Variants in CDK6 observed in about 807,000 individuals in gnomAD.
The protein encoded by CDK6 is cyclin dependent kinase 6.
CDK6 carries 6 observed loss-of-function variants against 37.1 expected under a neutral mutation model. The observed-to-expected ratio is 0.16, with a 90% CI of 0.09 to 0.32. CDK6 has a LOEUF of 0.32. Among genes scored for constraint, CDK6 ranks in the 10% least tolerant of loss-of-function variants. The pLI is 1.00. For synonymous variants in CDK6, 160 were observed against 161.3 expected (o/e 0.99, Z 0.06); for missense variants, 224 against 418.9 (o/e 0.53, Z 4.06).
chr7:92,707,521 C>A (rs999019351), intron 4 of CDK6, among the ~76,000 whole-genome samples: 1 of 152,128 alleles, frequency 6.6e-6, no homozygotes. Flanking sequence ...ACACTTGAAT[C>A]AATTCAAGAC....
intron 2 of CDK6, among the ~76,000 whole-genome samples, chr7:92,828,817 T>G (rs1035244658): frequency 1.3e-5 from 2 of 152,148 alleles, no homozygotes; most frequent in African/African-American, 4.8e-5. Context: ...ATCAAGTTCT[T>G]CTGTAGGAAC....
At chr7:92,641,292 ATT>A (rs1796299280) in intron 5 of CDK6, among the ~76,000 whole-genome samples, 1 of 152,168 alleles carries the variant, frequency 6.6e-6, no homozygotes, top group Admixed American at 6.5e-5. Flanking sequence ...TCACTCTGTT[ATT>A]ATTGATTGTC....
intron 3 of CDK6, among the ~76,000 whole-genome samples, chr7:92,739,910 A>G (rs901347269): frequency 5.9e-5 from 9 of 152,076 alleles, no homozygotes; most frequent in African/African-American, 2.2e-4. Context: ...ACATGCCACT[A>G]TGCTCAGCTA....
intron 3 of CDK6, among the ~76,000 whole-genome samples, chr7:92,756,462 G>C (rs1005659059): frequency 1.3e-5 from 2 of 152,178 alleles, no homozygotes; most frequent in African/African-American, 4.8e-5. Flanking sequence ...GTTTTAACCA[G>C]TTGATGTGAA....
chr7:92,744,583 C>T (rs1799011021), intron 3 of CDK6, among the ~76,000 whole-genome samples: 1 of 152,152 alleles, frequency 6.6e-6, no homozygotes, highest in African/African-American at 2.4e-5. Flanking sequence ...ACCTAATTTC[C>T]ATTTACATCA....
intron 3 of CDK6, among the ~76,000 whole-genome samples, chr7:92,763,592 T>C (rs1799509213): frequency 6.6e-6 from 1 of 152,194 alleles, no homozygotes; most frequent in Non-Finnish European, 1.5e-5. Context: ...AATAGAACAT[T>C]TTAAGGAATA....
intron 3 of CDK6, among the ~76,000 whole-genome samples, chr7:92,734,325 C>T (rs1299061640): frequency 6.6e-6 from 1 of 152,134 alleles, no homozygotes; most frequent in Admixed American, 6.5e-5. Flanking sequence ...GTCCTCAAAT[C>T]CATCTTGTAC....
intron 4 of CDK6, among the ~76,000 whole-genome samples, chr7:92,715,528 T>C (rs1798210375): frequency 6.6e-6 from 1 of 152,158 alleles, no homozygotes; most frequent in Non-Finnish European, 1.5e-5. Flanking sequence ...ATCAGTATCC[T>C]TGTAGATAGA....
Position 92,652,227 on chromosome 7 carries a change from C to A in CDK6, c.647+19199G>T, listed in dbSNP as rs567229687. Among the ~76,000 whole-genome samples, 3 of 152,320 alleles carry A rather than the reference C, an allele frequency of 2.0e-5. No individual in the cohort carries two copies. In the South Asian group the frequency reaches 6.2e-4, roughly 32 times the overall value. ...GATATCAGAAGGAACACATCACCCA[C>A]CTGAGAGTTTAACCCTATTTGCCTT... On this transcript the variant is annotated intron_variant, in intron 5 of 7. Coordinates refer to ENST00000424848, the MANE Select transcript of CDK6 (RefSeq NM_001145306.2).
chr7:92,780,817 C>CA (rs750407466), intron 2 of CDK6, among the ~76,000 whole-genome samples: 4 of 149,408 alleles, frequency 2.7e-5, no homozygotes, highest in African/African-American at 4.9e-5. Flanking sequence ...CAAAAAAAAC[C>CA]AAAAAAACCC....
chr7:92,819,649 A>G (rs1479421253), intron 2 of CDK6, among the ~76,000 whole-genome samples: 1 of 152,132 alleles, frequency 6.6e-6, no homozygotes, highest in Admixed American at 6.6e-5. Context: ...CTAAACACTG[A>G]CAGAAACAGA....
rs746165444 is a variant in CDK6 at position 92,714,703 on chromosome 7, G to A, written c.537+10923C>T. The stretch of plus-strand genomic sequence containing the variant: ...TATAGACAGGTAAGGACATTCTCAT[G>A]AATATATGTGAAGACCATCATTTTA... On this transcript the variant is annotated intron_variant, in intron 4 of 7. Transcript: ENST00000424848. Among the ~76,000 whole-genome samples, 60 of 152,222 alleles carry A rather than the reference G, an allele frequency of 3.9e-4. 1 individual carries two copies. Among genetic ancestry groups the A allele is most frequent in the Non-Finnish European group, 2.2e-4 (15 of 68,008 alleles).
At position 92,805,291 on chromosome 7, in the gene CDK6, GT is replaced by G. The variant is rs1322980808; in HGVS notation, c.233+27799del. 2.6e-5 allele frequency among the ~76,000 whole-genome samples: 4 copies of G among 152,240 alleles called. No individual in the cohort carries two copies. In the East Asian group the frequency reaches 7.7e-4, roughly 29 times the overall value. ...GGATCAAAGAGATGCTGCTTTGGGG[GT>G]TAGTTGGTAAAAGCATCAGCTTGTG... On this transcript the variant is annotated intron_variant, in intron 2 of 7. Transcript: ENST00000424848.
intron 4 of CDK6, among the ~76,000 whole-genome samples, chr7:92,687,303 T>C (rs537479542): frequency 3.9e-5 from 6 of 152,334 alleles, no homozygotes; most frequent in African/African-American, 1.4e-4. Context: ...TGGCAGGGAC[T>C]GGGGTTTACT....
intron 4 of CDK6, among the ~76,000 whole-genome samples, chr7:92,682,771 T>A (rs1049685982): frequency 2.6e-5 from 4 of 152,202 alleles, no homozygotes; most frequent in Admixed American, 2.6e-4. Flanking sequence ...TGTGTCCCCA[T>A]GTCCACACCA....
At chr7:92,829,925 C>A (rs1801432133) in intron 2 of CDK6, among the ~76,000 whole-genome samples, 1 of 152,230 alleles carries the variant, frequency 6.6e-6, no homozygotes, top group Non-Finnish European at 1.5e-5. Flanking sequence ...CTTTTCCAGG[C>A]TTGTTCATTG....
chr7:92,700,314 G>A, intron 4 of CDK6, among the ~76,000 whole-genome samples: 1 of 152,206 alleles, frequency 6.6e-6, no homozygotes, highest in East Asian at 1.9e-4. Context: ...AACTGTGTAG[G>A]ATTGAAATTG....
chr7:92,665,031 C>T (rs2116589672), intron 5 of CDK6, among the ~76,000 whole-genome samples: 1 of 152,236 alleles, frequency 6.6e-6, no homozygotes, highest in African/African-American at 2.4e-5. Context: ...GTGATCCACC[C>T]ACCTTGGGCT....
At chr7:92,638,957 GA>G (rs1796238595) in intron 5 of CDK6, among the ~76,000 whole-genome samples, 1 of 152,038 alleles carries the variant, frequency 6.6e-6, no homozygotes, top group Non-Finnish European at 1.5e-5. Flanking sequence ...CAATGTGGTA[GA>G]ATAGTTGGCA....
Sources: gnomAD v4.1 joint callset for allele counts (sites outside exome capture counted in the v4.1 genomes callset) on GRCh38, gnomAD v4.1.1 for gene constraint, MANE v1.5 for transcripts, NCBI Gene and HGNC (gene_info 2026-07-23, HGNC 2026-07-21) for gene names.